Variants in MYO19 observed in about 807,000 individuals in gnomAD.
MYO19 encodes the protein myosin XIX.
A neutral mutation model predicts 129.2 loss-of-function variants in MYO19; 132 were observed. That is an observed-to-expected ratio of 1.02 (90% confidence interval 0.89 to 1.18). MYO19 has a LOEUF of 1.18. Among genes scored for constraint, MYO19 ranks in the 50% most tolerant of loss-of-function variants. The pLI, the probability that MYO19 is intolerant of heterozygous loss-of-function variation, is 0.00. For missense variants in MYO19, 1,210 were observed against 1,216.7 expected (o/e 0.99, Z 0.08); for synonymous variants, 531 against 477.2 (o/e 1.11, Z -1.47).
At chr17:36,541,286 C>CA (rs2074196840) in intron 2 of MYO19, among the ~76,000 whole-genome samples, 1 of 152,172 alleles carries the variant, frequency 6.6e-6, no homozygotes, top group Non-Finnish European at 1.5e-5. Context: ...ATGTCTACTA[C>CA]ACGTGCCCCA....
intron 19 of MYO19, 67 bp from the exon 20 acceptor site, chr17:36,504,087 C>T: frequency 7.6e-7 from 1 of 1,312,544 alleles, no homozygotes; most frequent in African/African-American, 1.5e-5. Flanking sequence ...ATGCCATTCT[C>T]TCAGCCCTTC....
rs1049920126 is a variant in MYO19, at chr17:36,499,176, A to C, written c.2378-16T>G. On this transcript the variant is annotated splice_polypyrimidine_tract_variant and intron_variant, in intron 23 of 25. Transcript: ENST00000614623. ...GAACGAATGGCTAAGAGGTTTGCCC[A>C]GAAACAGGAAAGAGATAATAAAGGG... The C allele has an allele frequency of 1.9e-6, 3 of 1,585,912 alleles. No individual in the cohort carries two copies. The highest frequency in any genetic ancestry group is 2.6e-6 in the Non-Finnish European group (3 of 1,163,778).
intron 1 of MYO19, among the ~76,000 whole-genome samples, chr17:36,542,459 G>A (rs1026456120): frequency 4.6e-5 from 7 of 152,118 alleles, no homozygotes; most frequent in Non-Finnish European, 8.8e-5. Context: ...CAGCACTTTG[G>A]GAGGCCGAGG....
At chr17:36,509,405 G>A in intron 13 of MYO19, 1 of 531,302 alleles carries the variant, frequency 1.9e-6, no homozygotes, top group South Asian at 2.2e-5. Flanking sequence ...CAGCTCCTAG[G>A]CTGGGGAGGG....
At chr17:36,525,196 G>C (rs758900243) in intron 6 of MYO19, 32 bp downstream of exon 6, 9 of 1,524,544 alleles carry the variant, frequency 5.9e-6, no homozygotes, top group Non-Finnish European at 8.2e-6. Context: ...AGCCAGTCGT[G>C]AGTTGACAGG....
intron 2 of MYO19, chr17:36,533,588 G>C (rs1038086735): frequency 6.6e-6 from 1 of 152,250 alleles, no homozygotes; most frequent in Non-Finnish European, 1.5e-5. Context: ...AAGAACCCAG[G>C]GATAGGGACT....
At chr17:36,536,294 A>G (rs2074119955), upstream of MYO19, among the ~76,000 whole-genome samples, 1 of 152,170 alleles carries the variant, frequency 6.6e-6, no homozygotes, top group East Asian at 1.9e-4. Context: ...GTACCAAGGC[A>G]GTAGGTTTGG....
intron 5 of MYO19, 123 bp downstream of exon 5, chr17:36,527,424 CGTGG>C (rs2073541486): frequency 9.3e-7 from 1 of 1,070,730 alleles, no homozygotes; most frequent in African/African-American, 1.6e-5. Flanking sequence ...TTGGGCAGGC[CGTGG>C]CACTAGCAGA....
At chr17:36,503,021 G>T in intron 21 of MYO19, 76 bp downstream of exon 21, 2 of 1,263,396 alleles carry the variant, frequency 1.6e-6, no homozygotes, top group Non-Finnish European at 1.2e-6. Flanking sequence ...CCAGCCCCTA[G>T]CCCTAAGACA....
At chr17:36,523,546 C>T (rs193000415) in intron 6 of MYO19, among the ~76,000 whole-genome samples, 3 of 152,152 alleles carry the variant, frequency 2.0e-5, no homozygotes, top group Admixed American at 2.0e-4. Flanking sequence ...CACTTTTTCA[C>T]TGGTTTAGTT....
chr17:36,498,806 T>TA, intron 24 of MYO19: 1 of 595,614 alleles, frequency 1.7e-6, no homozygotes, highest in Non-Finnish European at 3.0e-6. Flanking sequence ...ATATAACTGA[T>TA]ATGCCATAAA....
rs1448277446 is a variant in MYO19 at position 36,534,849 on chromosome 17, A to T, written c.-384T>A. On this transcript the variant is annotated 5_prime_UTR_variant, in exon 1 of 26. Transcript: ENST00000614623. ...GGCCAGGTCAGGCGGCGGGAAGAAC[A>T]CGGGCAGGAGAGAAAAGAGGAGGGG... 3.3e-5 allele frequency: 5 copies of T among 152,532 alleles called. No homozygotes were observed. The highest frequency in any genetic ancestry group is 3.9e-4 in the East Asian group (2 of 5,164). The allele number at this position is 152,532 out of a possible 1,614,324, so 9.4% of individuals were successfully genotyped here.
Position 36,496,094 on chromosome 17 carries a change from A to G in MYO19, c.*157T>C. ...CCTGGAACCCCAGGCCCACTGACGCACTGGGCACGGGGCTCTGGGTCGAAG... is the reference window on the plus strand; with the variant it reads ...CCTGGAACCCCAGGCCCACTGACGCGCTGGGCACGGGGCTCTGGGTCGAAG... On this transcript the variant is annotated 3_prime_UTR_variant, in exon 26 of 26. Transcript: ENST00000614623. 1 of 1,036,802 alleles carries G rather than the reference A, an allele frequency of 9.6e-7. No individual in the cohort carries two copies. The highest frequency in any genetic ancestry group is 1.4e-6 in the Non-Finnish European group (1 of 715,212). The allele number at this position is 1,036,802 out of a possible 1,614,324, so 64.2% of individuals were successfully genotyped here. A position where few individuals can be genotyped will look rare whatever the true frequency, so the allele number is the denominator to read the frequency against.
chr17:36,508,968 A>G (rs766194333), intron 14 of MYO19, 94 bp downstream of exon 14: 1 of 1,066,696 alleles, frequency 9.4e-7, no homozygotes, highest in Non-Finnish European at 1.4e-6. Context: ...GGAACTGCCC[A>G]GAGTCACACA....
chr17:36,537,878 T>C (rs774528615), upstream of MYO19: 14 of 1,614,016 alleles, frequency 8.7e-6, no homozygotes, highest in East Asian at 2.2e-5. Flanking sequence ...TTCCCCTAAA[T>C]AAGTCCTGGA....
upstream of MYO19, chr17:36,537,525 A>G (rs1156430576): frequency 9.9e-6 from 16 of 1,613,958 alleles, no homozygotes; most frequent in Non-Finnish European, 1.2e-5. Context: ...GTTTACTGCT[A>G]TTGCTATTTT....
At chr17:36,526,477 C>G (rs1021098812) in intron 5 of MYO19, among the ~76,000 whole-genome samples, 3 of 152,342 alleles carry the variant, frequency 2.0e-5, no homozygotes, top group Non-Finnish European at 4.4e-5. Context: ...CACCACCCCA[C>G]CCCAAATAAC....
chr17:36,500,667 TGAGTGAGGGG>T, intron 23 of MYO19, 153 bp downstream of exon 23: 3 of 991,672 alleles, frequency 3.0e-6, no homozygotes, highest in Non-Finnish European at 4.3e-6. Flanking sequence ...AGAGACGTTA[TGAGTGAGGGG>T]GACAGGGAAT....
rs1599268171 is a variant in MYO19, at chr17:36,507,534, G to A, written c.1354-22C>T. ...CCTCCTAAAGAACAAGGTGGGATGA[G>A]GTGGGAGAAGGCAGCTGTGGTCTGA... On this transcript the variant is annotated intron_variant, in intron 15 of 25. Coordinates refer to ENST00000614623, the MANE Select transcript of MYO19 (RefSeq NM_001163735.2). 1.9e-6 allele frequency: 3 copies of A among 1,607,440 alleles called. No homozygotes were observed. In the East Asian group the frequency reaches 6.7e-5, roughly 36 times the overall value.
Sources: gnomAD v4.1 joint callset for allele counts (sites outside exome capture counted in the v4.1 genomes callset) on GRCh38, gnomAD v4.1.1 for gene constraint, MANE v1.5 for transcripts, NCBI Gene and HGNC (gene_info 2026-07-23, HGNC 2026-07-21) for gene names.